PIK3AP1: variants seen among roughly 807,000 people sequenced by gnomAD.
The protein encoded by PIK3AP1 is phosphoinositide-3-kinase adaptor protein 1, also known as phosphoinositide 3-kinase adapter protein 1.
A neutral mutation model predicts 88.1 loss-of-function variants in PIK3AP1; 21 were observed. The ratio of observed to expected loss-of-function variants is 0.24; its 90% CI spans 0.17 to 0.34. The LOEUF is 0.34. Ranked by LOEUF, PIK3AP1 falls within the 10% of genes least tolerant of loss-of-function variation. PIK3AP1 has a pLI of 1.00. For synonymous variants in PIK3AP1, 398 were observed against 400.0 expected, an observed-to-expected ratio of 1.00 and a Z score of 0.06; for missense variants, 828 against 1,035.7, an observed-to-expected ratio of 0.80 and a Z score of 2.75.
At chr10:96,705,882 T>C (rs1353925382) in intron 2 of PIK3AP1, among the ~76,000 whole-genome samples, 1 of 132,632 alleles carries the variant, frequency 7.5e-6, no homozygotes, top group African/African-American at 3.1e-5. Context: ...GCCCAGCCAG[T>C]TGTTTTTTTT....
chr10:96,704,404 T>A (rs953663542), intron 2 of PIK3AP1, among the ~76,000 whole-genome samples: 11 of 152,174 alleles, frequency 7.2e-5, no homozygotes, highest in Non-Finnish European at 1.3e-4. Flanking sequence ...AGCATCAGCA[T>A]CACCTGTGAG....
At chr10:96,710,890 A>G (rs553955879) in intron 1 of PIK3AP1, among the ~76,000 whole-genome samples, 1 of 152,234 alleles carries the variant, frequency 6.6e-6, no homozygotes. Flanking sequence ...CTTGTCATAT[A>G]GAAAACCCTC....
chr10:96,642,466 G>A (rs10882837), intron 8 of PIK3AP1, among the ~76,000 whole-genome samples: 27 of 140,326 alleles, frequency 1.9e-4, no homozygotes, highest in East Asian at 2.0e-4. Flanking sequence ...AAGAAAAAAA[G>A]AGAAAGAAAG....
chr10:96,604,814 C>T (rs1848973627), intron 14 of PIK3AP1, among the ~76,000 whole-genome samples: 1 of 152,148 alleles, frequency 6.6e-6, no homozygotes, highest in Non-Finnish European at 1.5e-5. Flanking sequence ...AATAAGGGGC[C>T]GGACCCTTTG....
intron 1 of PIK3AP1, among the ~76,000 whole-genome samples, chr10:96,719,564 A>G (rs1277958114): frequency 6.6e-6 from 1 of 152,148 alleles, no homozygotes; most frequent in South Asian, 2.1e-4. Flanking sequence ...TTTCCTGCCC[A>G]CCATGGAGAA....
Position 96,703,751 on chromosome 10 carries a change from G to A in PIK3AP1, c.430+5816C>T, listed in dbSNP as rs188019664. ...GGTATATATCACTGCAAACGTTTTG[G>A]AACTAAACTGAATCAGTTAAAAAGG... is the stretch of plus-strand genomic sequence containing the variant. On this transcript the variant is annotated intron_variant, in intron 2 of 16. Transcript: ENST00000339364. 5.1e-4 allele frequency among the ~76,000 whole-genome samples: 77 copies of A among 152,166 alleles called. 1 individual carries two copies. Among genetic ancestry groups the A allele is most frequent in the African/African-American group, 1.8e-3 (75 of 41,518 alleles).
Position 96,698,922 on chromosome 10 carries a change from A to G in PIK3AP1, c.430+10645T>C, listed in dbSNP as rs953583804. On this transcript the variant is annotated intron_variant, in intron 2 of 16. Transcript: ENST00000339364. ...GCCCGGCGTAGTGGCTCACGCCTGTAATCCCAGCACTTTGGGAGGCCAAGG... is the reference window on the plus strand; with the variant it reads ...GCCCGGCGTAGTGGCTCACGCCTGTGATCCCAGCACTTTGGGAGGCCAAGG... Among the ~76,000 whole-genome samples, 10 of 152,276 alleles carry G rather than the reference A, an allele frequency of 6.6e-5. 1 individual carries two copies. In the Middle Eastern group the frequency reaches 0.01, roughly 155 times the overall value.
intron 2 of PIK3AP1, among the ~76,000 whole-genome samples, chr10:96,691,389 A>C (rs1470992185): frequency 6.6e-6 from 1 of 152,222 alleles, no homozygotes; most frequent in South Asian, 2.1e-4. Flanking sequence ...CATACTGAGC[A>C]TGTGGTCACC....
intron 2 of PIK3AP1, among the ~76,000 whole-genome samples, chr10:96,660,481 G>A (rs1843671432): frequency 6.6e-6 from 1 of 152,180 alleles, no homozygotes; most frequent in Non-Finnish European, 1.5e-5. Flanking sequence ...AACACCAAAT[G>A]CTGGTCAGGA....
chr10:96,640,186 G>C (rs565057548), intron 8 of PIK3AP1, among the ~76,000 whole-genome samples: 1 of 152,374 alleles, frequency 6.6e-6, no homozygotes, highest in South Asian at 2.1e-4. Flanking sequence ...ACATGAAGCA[G>C]AACAGTCCTC....
chr10:96,656,181 G>GA (rs1417194516), intron 3 of PIK3AP1, among the ~76,000 whole-genome samples: 1 of 152,176 alleles, frequency 6.6e-6, no homozygotes, highest in Non-Finnish European at 1.5e-5. Flanking sequence ...ATTAGGAAAG[G>GA]AAAAATAAAG....
In PIK3AP1 at chr10:96,718,499, G is replaced by A. The variant is rs148916420; in HGVS notation, c.13+1883C>T. ...ACCCAACTCTCAATTACAGCACCTG[G>A]AGTGGTGTCTCGCCACAGAAGACGC... On this transcript the variant is annotated intron_variant, in intron 1 of 16. Coordinates refer to ENST00000339364, the MANE Select transcript of PIK3AP1 (RefSeq NM_152309.3). Among the ~76,000 whole-genome samples the A allele has an allele frequency of 4.7e-3, 716 of 152,282 alleles. 4 individuals are homozygous for A. The highest frequency in any genetic ancestry group is 0.017 in the African/African-American group (688 of 41,544).
intron 8 of PIK3AP1, among the ~76,000 whole-genome samples, chr10:96,643,972 G>A (rs961365865): frequency 3.3e-5 from 5 of 152,132 alleles, no homozygotes; most frequent in African/African-American, 9.7e-5. Flanking sequence ...TGGTGCCTCC[G>A]CATGCTTAGC....
At chr10:96,710,716 C>T (rs534162904) in intron 1 of PIK3AP1, among the ~76,000 whole-genome samples, 1 of 152,186 alleles carries the variant, frequency 6.6e-6, no homozygotes, top group Non-Finnish European at 1.5e-5. Flanking sequence ...AAACTCATTA[C>T]ATCTTCACAG....
intron 9 of PIK3AP1, among the ~76,000 whole-genome samples, chr10:96,628,142 TA>T (rs1227381134): frequency 6.6e-6 from 1 of 152,000 alleles, no homozygotes. Context: ...CAGATGCATT[TA>T]AAAAAAACTA....
chr10:96,713,765 C>T (rs1844468292), intron 1 of PIK3AP1, among the ~76,000 whole-genome samples: 1 of 152,132 alleles, frequency 6.6e-6, no homozygotes, highest in African/African-American at 2.4e-5. Flanking sequence ...ATTATAAACT[C>T]TAGGGCCACT....
chr10:96,625,859 C>T (rs190978358), intron 10 of PIK3AP1, among the ~76,000 whole-genome samples: 1 of 152,322 alleles, frequency 6.6e-6, no homozygotes, highest in Admixed American at 6.5e-5. Context: ...AGCAATCCTT[C>T]CACCTCAGCC....
intron 1 of PIK3AP1, among the ~76,000 whole-genome samples, chr10:96,717,235 G>A (rs2134298397): frequency 6.8e-6 from 1 of 146,092 alleles, no homozygotes; most frequent in Admixed American, 7.1e-5. Flanking sequence ...TCCAGCCTGG[G>A]TGACAGAGTG....
intron 8 of PIK3AP1, among the ~76,000 whole-genome samples, chr10:96,631,530 T>G (rs1361658640): frequency 1.3e-5 from 2 of 152,144 alleles, no homozygotes; most frequent in African/African-American, 4.8e-5. Flanking sequence ...GACTTCCACT[T>G]TGGGTACTAT....
Sources: gnomAD v4.1 joint callset for allele counts (sites outside exome capture counted in the v4.1 genomes callset) on GRCh38, gnomAD v4.1.1 for gene constraint, MANE v1.5 for transcripts, NCBI Gene and HGNC (gene_info 2026-07-23, HGNC 2026-07-21) for gene names.